The following NKAIN3 variants were observed in gnomAD, a reference collection of about 807,000 sequenced individuals.
NKAIN3 encodes sodium/potassium transporting ATPase interacting 3, also known as sodium/potassium-transporting ATPase subunit beta-1-interacting protein 3.
A neutral mutation model predicts 30.2 loss-of-function variants in NKAIN3; 25 were observed. That is an observed-to-expected ratio of 0.83 (90% CI 0.60 to 1.16). NKAIN3 has a LOEUF of 1.16. Ranked by LOEUF, NKAIN3 falls within the 50% of genes most tolerant of loss-of-function variation. The pLI, the probability that NKAIN3 is intolerant of heterozygous loss-of-function variation, is 0.00. For missense variants in NKAIN3, 225 were observed against 254.1 expected, an observed-to-expected ratio of 0.89 and a Z score of 0.78; for synonymous variants, 91 against 89.6, an observed-to-expected ratio of 1.02 and a Z score of -0.09.
At chr8:62,784,341 G>C (rs1157942141) in intron 4 of NKAIN3, among the ~76,000 whole-genome samples, 1 of 151,756 alleles carries the variant, frequency 6.6e-6, no homozygotes, top group African/African-American at 2.4e-5. Flanking sequence ...ACAACCAAAG[G>C]TTGCTACTTT....
intron 1 of NKAIN3, chr8:62,383,579 A>T (rs62509215): frequency 0.14 from 62,338 of 451,360 alleles, 5,074 homozygotes; most frequent in East Asian, 0.39. Flanking sequence ...GGTTTGAAGA[A>T]CATGCTTCTC....
intron 1 of NKAIN3, among the ~76,000 whole-genome samples, chr8:62,511,006 T>G (rs958684185): frequency 1.3e-5 from 2 of 152,072 alleles, no homozygotes; most frequent in Non-Finnish European, 2.9e-5. Flanking sequence ...TCAGTCCTCC[T>G]AAGGAAACCC....
chr8:62,562,428 G>T (rs1025004791), intron 1 of NKAIN3, among the ~76,000 whole-genome samples: 1 of 152,082 alleles, frequency 6.6e-6, no homozygotes, highest in African/African-American at 2.4e-5. Flanking sequence ...AAAATGCAAG[G>T]TTACAGCAGA....
At chr8:62,861,069 T>G (rs1484578667) in intron 4 of NKAIN3, among the ~76,000 whole-genome samples, 4 of 152,322 alleles carry the variant, frequency 2.6e-5, no homozygotes, top group African/African-American at 9.6e-5. Flanking sequence ...GAATTCCCAG[T>G]CCTCTTCTGG....
chr8:62,672,183 A>G (rs1243500010), intron 3 of NKAIN3, among the ~76,000 whole-genome samples: 1 of 152,220 alleles, frequency 6.6e-6, no homozygotes, highest in East Asian at 1.9e-4. Context: ...AGGAACAAGA[A>G]CTACAGCTAG....
chr8:62,932,639 AAATG>A (rs938648259), intron 5 of NKAIN3, among the ~76,000 whole-genome samples: 1 of 152,248 alleles, frequency 6.6e-6, no homozygotes, highest in African/African-American at 2.4e-5. Context: ...TCAGTTCACG[AAATG>A]AATGGTGAAT....
chr8:62,985,158 A>T (rs552425842), downstream of NKAIN3, among the ~76,000 whole-genome samples: 1 of 152,228 alleles, frequency 6.6e-6, no homozygotes, highest in Non-Finnish European at 1.5e-5. Context: ...TGCCCACTGC[A>T]GACAGCTGCT....
chr8:62,304,071 TA>T (rs1188137184), intron 1 of NKAIN3, among the ~76,000 whole-genome samples: 1 of 150,466 alleles, frequency 6.6e-6, no homozygotes, highest in Non-Finnish European at 1.5e-5. Flanking sequence ...TTTTTATATT[TA>T]AATTGAAATA....
chr8:62,460,114 G>C (rs913058372), intron 1 of NKAIN3, among the ~76,000 whole-genome samples: 1 of 152,062 alleles, frequency 6.6e-6, no homozygotes, highest in South Asian at 2.1e-4. Context: ...CTCCATCAAA[G>C]CAATAAGAAA....
chr8:62,731,248 C>T (rs1325936191), intron 3 of NKAIN3, among the ~76,000 whole-genome samples: 1 of 149,952 alleles, frequency 6.7e-6, no homozygotes, highest in Non-Finnish European at 1.5e-5. Flanking sequence ...CACACACACA[C>T]ACACACACAC....
intron 3 of NKAIN3, among the ~76,000 whole-genome samples, chr8:62,653,041 C>T (rs1441015585): frequency 2.0e-5 from 3 of 152,134 alleles, no homozygotes; most frequent in Non-Finnish European, 2.9e-5. Flanking sequence ...GTGTTCAGGG[C>T]AATAACCCCA....
At chr8:62,793,451 A>C (rs1817761001) in intron 4 of NKAIN3, among the ~76,000 whole-genome samples, 1 of 152,006 alleles carries the variant, frequency 6.6e-6, no homozygotes, top group African/African-American at 2.4e-5. Context: ...GAACTTACAA[A>C]CCTGTTTTGA....
chr8:62,664,936 C>T (rs1473876270), intron 3 of NKAIN3, among the ~76,000 whole-genome samples: 1 of 152,184 alleles, frequency 6.6e-6, no homozygotes, highest in African/African-American at 2.4e-5. Flanking sequence ...ACGCTGACGA[C>T]ATCCAAAACC....
At chr8:62,987,608 A>C (rs576577615), downstream of NKAIN3, among the ~76,000 whole-genome samples, 5 of 152,232 alleles carry the variant, frequency 3.3e-5, no homozygotes, top group South Asian at 8.3e-4. Flanking sequence ...CTAATTTACT[A>C]TCATGAGCAC....
At chr8:62,286,451 C>T (rs892251138) in intron 1 of NKAIN3, among the ~76,000 whole-genome samples, 6 of 151,878 alleles carry the variant, frequency 4.0e-5, no homozygotes, top group African/African-American at 7.3e-5. Flanking sequence ...AATACTGAAC[C>T]GTAATTTAAT....
chr8:62,853,888 G>T (rs1009055606), intron 4 of NKAIN3, among the ~76,000 whole-genome samples: 10 of 152,188 alleles, frequency 6.6e-5, no homozygotes, highest in African/African-American at 2.2e-4. Flanking sequence ...CACACATGCT[G>T]GTACATTGTA....
intron 1 of NKAIN3, among the ~76,000 whole-genome samples, chr8:62,443,439 A>G (rs1467411909): frequency 6.6e-6 from 1 of 152,122 alleles, no homozygotes; most frequent in Non-Finnish European, 1.5e-5. Context: ...GCTGGAGTAC[A>G]GTGGCACAAT....
intron 4 of NKAIN3, among the ~76,000 whole-genome samples, chr8:62,854,672 AT>A (rs1820008787): frequency 6.6e-6 from 1 of 152,108 alleles, no homozygotes; most frequent in African/African-American, 2.4e-5. Context: ...GTGTCTTTTA[AT>A]TGGGGCATGT....
At chr8:62,962,645 T>G (rs905245205) in intron 6 of NKAIN3, among the ~76,000 whole-genome samples, 2 of 152,180 alleles carry the variant, frequency 1.3e-5, no homozygotes, top group Non-Finnish European at 2.9e-5. Context: ...CCTACCAAAC[T>G]GTGACAACCA....
Sources: gnomAD v4.1 joint callset for allele counts (sites outside exome capture counted in the v4.1 genomes callset) on GRCh38, gnomAD v4.1.1 for gene constraint, MANE v1.5 for transcripts, NCBI Gene and HGNC (gene_info 2026-07-23, HGNC 2026-07-21) for gene names.